The following PLCE1 variants were observed in gnomAD, a reference collection of about 807,000 sequenced individuals.
The protein encoded by PLCE1 is 1-phosphatidylinositol 4,5-bisphosphate phosphodiesterase epsilon-1.
In PLCE1, 119 loss-of-function variants were observed where a neutral mutation model predicts 242.8. The observed-to-expected ratio is 0.49, with a 90% CI of 0.42 to 0.57. The LOEUF (loss-of-function observed/expected upper bound fraction) is 0.57, where lower values mean the gene tolerates loss of function less well. Among genes scored for constraint, PLCE1 ranks in the 20% least tolerant of loss-of-function variants. The probability of loss-of-function intolerance (pLI) is 0.00; values close to 1 mark genes in which losing one functional copy is unlikely to be tolerated. For synonymous variants in PLCE1, 945 were observed against 1,017.4 expected (o/e 0.93, Z 1.35); for missense variants, 2,441 against 2,788.8 (o/e 0.88, Z 2.81).
At chr10:94,313,447 A>G in intron 28 of PLCE1, 65 bp downstream of exon 28, 4 of 1,577,802 alleles carry the variant, frequency 2.5e-6, no homozygotes, top group Non-Finnish European at 3.5e-6. Context: ...ATGTGTGTGT[A>G]TAAATGCCTG....
intron 2 of PLCE1, among the ~76,000 whole-genome samples, chr10:94,059,164 A>C (rs4918057): frequency 0.41 from 61,800 of 152,106 alleles, 16,064 homozygotes; most frequent in African/African-American, 0.75. Context: ...AGCTGAGAGC[A>C]TTGAATGACT....
intron 3 of PLCE1, among the ~76,000 whole-genome samples, chr10:94,161,589 T>G (rs1410282952): frequency 1.3e-5 from 2 of 152,246 alleles, no homozygotes; most frequent in African/African-American, 4.8e-5. Context: ...TACACAATCA[T>G]GTCATCTGCA....
chr10:94,111,595 AC>A (rs2135643562), intron 2 of PLCE1, among the ~76,000 whole-genome samples: 1 of 152,282 alleles, frequency 6.6e-6, no homozygotes, highest in Non-Finnish European at 1.5e-5. Flanking sequence ...CCTGCAAGGC[AC>A]TGCCCACTCA....
At chr10:94,288,445 G>T (rs994370929) in intron 22 of PLCE1, among the ~76,000 whole-genome samples, 1 of 152,174 alleles carries the variant, frequency 6.6e-6, no homozygotes. Flanking sequence ...CTCAAAAGTG[G>T]AGTTGACTAG....
rs1431424214 is a variant in PLCE1 at position 94,279,788 on chromosome 10, CAGTT to C, written c.4675_4678del (p.Leu1559HisfsTer68). The C allele has an allele frequency of 1.2e-6, 2 of 1,613,726 alleles. No homozygotes were observed. Among genetic ancestry groups the C allele is most frequent in the Admixed American group, 3.3e-5 (2 of 59,996 alleles). ...AATTATTGCTATTTTACAGGCTCAT[CAGTT>C]AGCATCTATGCAAGTGCAGGCTTAT... On this transcript the variant is annotated frameshift_variant, in exon 20 of 33. Transcript: ENST00000371380. LOFTEE classifies it high-confidence loss of function.
At chr10:94,239,167 A>G (rs1457407899) in intron 7 of PLCE1, among the ~76,000 whole-genome samples, 1 of 152,228 alleles carries the variant, frequency 6.6e-6, no homozygotes, top group African/African-American at 2.4e-5. Context: ...CACCCTTAAA[A>G]TACCAAGCTG....
In PLCE1 at chr10:94,332,611, A is replaced by G. The variant is rs1481031158; in HGVS notation, c.*4668A>G. 2.0e-5 allele frequency: 3 copies of G among 152,102 alleles called. No homozygotes were observed. Among genetic ancestry groups the G allele is most frequent in the African/African-American group, 7.2e-5 (3 of 41,396 alleles). The allele number at this position is 152,102 out of a possible 1,614,324, so 9.4% of individuals were successfully genotyped here. On this transcript the variant is annotated 3_prime_UTR_variant, in exon 33 of 33. Transcript: ENST00000371380. ...TGCACAAATATATTTCCTCAAATTCACATAGGATACTCAAATATAGATGTA... is the reference window on the plus strand; with the variant it reads ...TGCACAAATATATTTCCTCAAATTCGCATAGGATACTCAAATATAGATGTA...
intron 4 of PLCE1, among the ~76,000 whole-genome samples, chr10:94,171,702 C>G (rs895474631): frequency 6.6e-6 from 1 of 152,228 alleles, no homozygotes; most frequent in Admixed American, 6.5e-5. Flanking sequence ...TGCCCTTAAG[C>G]CTAATTGATC....
intron 8 of PLCE1, among the ~76,000 whole-genome samples, chr10:94,248,744 A>G (rs765102100): frequency 3.3e-5 from 5 of 152,130 alleles, no homozygotes; most frequent in Non-Finnish European, 7.3e-5. Flanking sequence ...GCCTTCTAGA[A>G]TCAGGAAAAT....
intron 3 of PLCE1, among the ~76,000 whole-genome samples, chr10:94,142,350 C>CAAA (rs5787101): frequency 1.3e-4 from 15 of 119,326 alleles, no homozygotes; most frequent in African/African-American, 3.7e-4. Flanking sequence ...GATGCTGTCT[C>CAAA]AAAAAAAAAA....
At chr10:94,220,376 T>TTATATATATA (rs59633337) in intron 4 of PLCE1, among the ~76,000 whole-genome samples, 1,405 of 61,616 alleles carry the variant, frequency 0.023, 96 homozygotes, top group Middle Eastern at 0.056. Flanking sequence ...ACTAAACATT[T>TTATATATATA]TATATATATA....
At chr10:94,250,369 G>C (rs914083975) in intron 8 of PLCE1, among the ~76,000 whole-genome samples, 2 of 151,782 alleles carry the variant, frequency 1.3e-5, no homozygotes, top group African/African-American at 4.8e-5. Context: ...GGGTGTGGTG[G>C]TACGCACCTG....
At chr10:94,056,463 T>C (rs921354191) in intron 2 of PLCE1, among the ~76,000 whole-genome samples, 4 of 152,132 alleles carry the variant, frequency 2.6e-5, no homozygotes, top group African/African-American at 9.7e-5. Flanking sequence ...TTCAAAAAAA[T>C]TAAAAATACA....
At position 94,018,061 on chromosome 10, in the gene PLCE1, C is replaced by T. The variant is rs1019247397; in HGVS notation, c.-364-12622C>T. Among the ~76,000 whole-genome samples the T allele has an allele frequency of 2.6e-5, 4 of 152,066 alleles. No individual in the cohort carries two copies. In the East Asian group the frequency reaches 7.7e-4, roughly 29 times the overall value. On this transcript the variant is annotated intron_variant, in intron 1 of 32. Transcript: ENST00000371380. Reference sequence around the variant, plus strand: ...TTTTTAATTCTTTTGAAGACAATTACCTTAATTAAGGAATGACTTCTAGAG... The same window carrying T: ...TTTTTAATTCTTTTGAAGACAATTATCTTAATTAAGGAATGACTTCTAGAG...
rs372756642 is a variant in PLCE1, at chr10:94,246,160, C to T, written c.2635C>T (p.Arg879Cys). The change falls in exon 8 of 33, where the codon CGC becomes TGC. Residue 879 changes from arginine (R) to cysteine (C), a missense_variant. Physicochemically the swap from Arg to Cys is radical, Grantham distance 180 (BLOSUM62 -3). This residue lies in a region of PLCE1 where 733 missense variants were observed against 754.2 expected (regional missense o/e 0.97). Coordinates refer to ENST00000371380, the MANE Select transcript of PLCE1 (RefSeq NM_016341.4). Reference sequence around the variant, plus strand: ...CGACCAGGACACACACCTCTCTGCCCGCTGCTTCCTCCAGCTTCAGCCCGA... The same window carrying T: ...CGACCAGGACACACACCTCTCTGCCTGCTGCTTCCTCCAGCTTCAGCCCGA... ...HYDQDTHLSA[R>C]CFLQLQPDNS... 64 of 1,613,962 alleles carry T rather than the reference C, an allele frequency of 4.0e-5. No individual in the cohort carries two copies. The highest frequency in any genetic ancestry group is 4.9e-5 in the Non-Finnish European group (58 of 1,179,996).
At chr10:94,026,152 T>A (rs1323224579) in intron 1 of PLCE1, among the ~76,000 whole-genome samples, 1 of 152,124 alleles carries the variant, frequency 6.6e-6, no homozygotes, top group East Asian at 1.9e-4. Flanking sequence ...TAGTCCCCTC[T>A]CCTGAAGCTG....
At chr10:94,327,035 G>A (rs114817478) in intron 32 of PLCE1, among the ~76,000 whole-genome samples, 1,893 of 152,120 alleles carry the variant, frequency 0.012, 45 homozygotes, top group African/African-American at 0.042. Context: ...GGTGGTGTGC[G>A]CAGGTAGTCC....
chr10:94,036,605 T>G (rs1221029945), intron 2 of PLCE1, among the ~76,000 whole-genome samples: 3 of 152,192 alleles, frequency 2.0e-5, no homozygotes, highest in African/African-American at 7.2e-5. Flanking sequence ...ACCCTATCCC[T>G]TATCCAGTTA....
rs567220830 is a variant in PLCE1, at chr10:94,163,213, T to G, written c.1493-7967T>G. 3.9e-4 allele frequency among the ~76,000 whole-genome samples: 60 copies of G among 152,324 alleles called. No individual in the cohort carries two copies. In the South Asian group the frequency reaches 0.011, roughly 27 times the overall value. On this transcript the variant is annotated intron_variant, in intron 3 of 32. Coordinates refer to ENST00000371380, the MANE Select transcript of PLCE1 (RefSeq NM_016341.4). The stretch of plus-strand genomic sequence containing the variant: ...TGAGTTCAGTTCCTGGATATCCTTG[T>G]TAACCTTCTGTCTCATCGATCTGTC...
Sources: allele counts gnomAD v4.1 joint callset (sites outside exome capture counted in the v4.1 genomes callset), GRCh38; gene constraint gnomAD v4.1.1; regional missense constraint gnomAD v4.1.1; transcripts MANE v1.5; gene names NCBI Gene and HGNC (gene_info 2026-07-23, HGNC 2026-07-21).